The following DMD variants were observed in gnomAD, a reference collection of about 807,000 sequenced individuals.
DMD encodes the protein mutant dystrophin.
In DMD, 63 loss-of-function variants were observed where a neutral mutation model predicts 330.1. That is an observed-to-expected ratio of 0.19 (90% confidence interval 0.16 to 0.24). The LOEUF (loss-of-function observed/expected upper bound fraction) is 0.24. Among genes scored for constraint, DMD ranks in the 10% least tolerant of loss-of-function variants. The probability of loss-of-function intolerance (pLI) is 1.00; values close to 1 mark genes in which losing one functional copy is unlikely to be tolerated. For synonymous variants in DMD, 1,223 were observed against 959.8 expected (o/e 1.27, Z -5.07); for missense variants, 3,344 against 2,684.1 (o/e 1.25, Z -5.43).
chrX:32,567,014 C>T (rs2051800226), intron 15 of DMD, among the ~76,000 whole-genome samples: 1 of 111,976 alleles, frequency 8.9e-6, no homozygotes, highest in Non-Finnish European at 1.9e-5. Context: ...GACACAAATG[C>T]ACCAATTGCC....
intron 15 of DMD, among the ~76,000 whole-genome samples, chrX:32,566,881 G>A (rs1300890988): frequency 3.6e-5 from 4 of 112,029 alleles, no homozygotes; most frequent in East Asian, 5.6e-4. Flanking sequence ...TTATCTTACA[G>A]CCACTTAACA....
intron 49 of DMD, among the ~76,000 whole-genome samples, chrX:31,831,900 T>C (rs1312650625): frequency 8.9e-6 from 1 of 112,786 alleles, no homozygotes; most frequent in Non-Finnish European, 1.9e-5. Flanking sequence ...CCGCGCCCAG[T>C]CGCAAACTTG....
rs935377339 is a variant in DMD, at chrX:33,171,902, G to C, written c.31+39380C>G. Among the ~76,000 whole-genome samples the C allele has an allele frequency of 1.3e-4, 14 of 110,786 alleles. 1 individual carries two copies. Among genetic ancestry groups the C allele is most frequent in the African/African-American group, 4.3e-4 (13 of 30,570 alleles). On this transcript the variant is annotated intron_variant, in intron 1 of 78. Coordinates refer to ENST00000357033, the MANE Select transcript of DMD (RefSeq NM_004006.3). ...AGATATTTTGTGATCCAATTTTATA[G>C]ATAGGAAAAGGATCTCTAAATATTC...
intron 1 of DMD, among the ~76,000 whole-genome samples, chrX:33,066,044 A>T (rs2094649717): frequency 1.5e-5 from 1 of 68,250 alleles, no homozygotes; most frequent in Admixed American, 2.1e-4. Context: ...AAGAACATAC[A>T]TAGCCAAAGG....
intron 62 of DMD, among the ~76,000 whole-genome samples, chrX:31,310,391 AT>A (rs1210055282): frequency 0.012 from 1,207 of 104,062 alleles, 13 homozygotes; most frequent in African/African-American, 0.038. Flanking sequence ...CTATTATTTG[AT>A]TTTTTTTTTT....
intron 1 of DMD, among the ~76,000 whole-genome samples, chrX:33,048,358 A>T (rs1373640344): frequency 9.0e-6 from 1 of 111,346 alleles, no homozygotes; most frequent in Non-Finnish European, 1.9e-5. Flanking sequence ...TCACAAATTT[A>T]TAGCACAGCA....
At chrX:32,535,039 C>A (rs2047827791) in intron 17 of DMD, among the ~76,000 whole-genome samples, 1 of 111,438 alleles carries the variant, frequency 9.0e-6, no homozygotes, top group Non-Finnish European at 1.9e-5. Context: ...ATTGGAAACT[C>A]AACTTTCTCC....
chrX:32,207,577 G>C (rs1338410318), intron 44 of DMD, among the ~76,000 whole-genome samples: 2 of 111,810 alleles, frequency 1.8e-5, no homozygotes, highest in African/African-American at 6.5e-5. Flanking sequence ...AAGGAGACTA[G>C]AAAATATTTC....
intron 20 of DMD, among the ~76,000 whole-genome samples, 153 bp from the exon 21 acceptor site, chrX:32,485,252 CTA>C (rs1459434142): frequency 8.9e-6 from 1 of 111,904 alleles, no homozygotes; most frequent in East Asian, 2.8e-4. Context: ...AGACAAGCCT[CTA>C]TCACCAGCCA....
rs1569540509 is a variant in DMD at position 31,422,012 on chromosome X, TATATAAACACACACAC to T, written c.9084+22453_9084+22468del. On this transcript the variant is annotated intron_variant, in intron 60 of 78. Coordinates refer to ENST00000357033, the MANE Select transcript of DMD (RefSeq NM_004006.3). ...GTATATATACACACACATATATATA[TATATAAACACACACAC>T]ATATATATATATATATTTTTTTTTT... Among the ~76,000 whole-genome samples the T allele has an allele frequency of 5.6e-4, 37 of 65,897 alleles. 1 individual carries two copies. The highest frequency in any genetic ancestry group is 3.1e-3 in the African/African-American group (36 of 11,605). The allele number at this position is 65,897 out of a possible 115,157, so 57.2% of individuals were successfully genotyped here.
intron 2 of DMD, among the ~76,000 whole-genome samples, chrX:32,907,084 A>G (rs936947494): frequency 1.1e-4 from 12 of 112,127 alleles, no homozygotes; most frequent in Non-Finnish European, 2.1e-4. Flanking sequence ...TCTATAGTGT[A>G]AATTCATGAG....
intron 27 of DMD, among the ~76,000 whole-genome samples, 161 bp from the exon 28 acceptor site, chrX:32,441,475 C>T (rs2098281304): frequency 9.0e-6 from 1 of 111,472 alleles, no homozygotes; most frequent in Non-Finnish European, 1.9e-5. Flanking sequence ...GTTTCATCAT[C>T]TAATACCTCT....
intron 60 of DMD, among the ~76,000 whole-genome samples, chrX:31,403,590 AG>A (rs2061286645): frequency 8.9e-6 from 1 of 111,963 alleles, no homozygotes; most frequent in East Asian, 2.8e-4. Context: ...GGGTACAAAA[AG>A]AAAAATAAGT....
intron 60 of DMD, among the ~76,000 whole-genome samples, chrX:31,405,838 G>C (rs1211700759): frequency 1.8e-5 from 2 of 111,659 alleles, no homozygotes; most frequent in African/African-American, 6.5e-5. Flanking sequence ...ATTCTATACA[G>C]GTTCTCAAAA....
At chrX:32,808,554 C>A (rs755126602) in intron 7 of DMD, among the ~76,000 whole-genome samples, 3 of 110,600 alleles carry the variant, frequency 2.7e-5, no homozygotes, top group Non-Finnish European at 5.6e-5. Flanking sequence ...AATAAATTCA[C>A]TGGCAAAAGG....
At chrX:31,771,507 AT>A (rs558195526) in intron 51 of DMD, among the ~76,000 whole-genome samples, 4,224 of 104,641 alleles carry the variant, frequency 0.04, 86 homozygotes, top group Non-Finnish European at 0.057. Flanking sequence ...TTCCCCCTAA[AT>A]TTTTTTTTTT....
chrX:33,008,927 TGTATATATACACACGTATATATAC>T (rs1225856237), intron 2 of DMD, among the ~76,000 whole-genome samples: 112 of 74,862 alleles, frequency 1.5e-3, no homozygotes, highest in African/African-American at 4.0e-3. Flanking sequence ...TATATATACA[TGTATATATACACACGTATATATAC>T]GTATATATAC....
intron 43 of DMD, among the ~76,000 whole-genome samples, chrX:32,226,967 A>G (rs1009407089): frequency 9.2e-6 from 1 of 109,161 alleles, no homozygotes; most frequent in African/African-American, 3.3e-5. Flanking sequence ...TAAATAATTT[A>G]GCAAGTTCAA....
At chrX:32,574,363 T>C (rs2052772505) in intron 13 of DMD, among the ~76,000 whole-genome samples, 1 of 111,989 alleles carries the variant, frequency 8.9e-6, no homozygotes, top group African/African-American at 3.2e-5. Context: ...TTCTCAATTA[T>C]TACAAAAGTA....
Sources: gnomAD v4.1 joint callset for allele counts (sites outside exome capture counted in the v4.1 genomes callset) on GRCh38, gnomAD v4.1.1 for gene constraint, MANE v1.5 for transcripts, NCBI Gene and HGNC (gene_info 2026-07-23, HGNC 2026-07-21) for gene names.